Variants in KCNQ1 observed in about 807,000 individuals in gnomAD.
The protein encoded by KCNQ1 is potassium voltage-gated channel subfamily KQT member 1.
KCNQ1 carries 49 observed loss-of-function variants against 72.4 expected under a neutral mutation model. That is an observed-to-expected ratio of 0.68 (90% CI 0.54 to 0.86). The LOEUF (loss-of-function observed/expected upper bound fraction) is 0.86. Ranked by LOEUF, KCNQ1 falls within the 40% of genes least tolerant of loss-of-function variation. The pLI, the probability that KCNQ1 is intolerant of heterozygous loss-of-function variation, is 0.00. For synonymous variants in KCNQ1, 450 were observed against 412.6 expected, an observed-to-expected ratio of 1.09 and a Z score of -1.10; for missense variants, 790 against 945.1, an observed-to-expected ratio of 0.84 and a Z score of 2.15.
At chr11:2,693,132 C>T in intron 11 of KCNQ1, 2 of 398,658 alleles carry the variant, frequency 5.0e-6, no homozygotes, top group South Asian at 2.5e-4. Flanking sequence ...TTCTGTCAAT[C>T]ACCAGATAGC....
chr11:2,618,571 T>G (rs2133800632), intron 10 of KCNQ1: 1 of 398,620 alleles, frequency 2.5e-6, no homozygotes, highest in East Asian at 3.6e-5. Flanking sequence ...GTTTGTTTTT[T>G]ATGCCAGGAC....
At chr11:2,831,279 T>G (rs927779549) in intron 15 of KCNQ1, among the ~76,000 whole-genome samples, 2 of 152,178 alleles carry the variant, frequency 1.3e-5, no homozygotes, top group South Asian at 4.1e-4. Flanking sequence ...GTGCCCACAG[T>G]TGGGCCATGA....
intron 12 of KCNQ1, among the ~76,000 whole-genome samples, chr11:2,774,520 C>A (rs1846657403): frequency 1.3e-5 from 2 of 152,302 alleles, no homozygotes; most frequent in South Asian, 4.1e-4. Context: ...GGAAGAGGAA[C>A]CCCCTGAACT....
chr11:2,780,702 T>TC (rs1301213916), intron 15 of KCNQ1, among the ~76,000 whole-genome samples: 1 of 152,110 alleles, frequency 6.6e-6, no homozygotes, highest in Non-Finnish European at 1.5e-5. Flanking sequence ...GCCTAGAGTG[T>TC]CCCCCTGCAG....
Position 2,620,216 on chromosome 11 carries a change from T to TTA in KCNQ1, c.1393+31363_1393+31364insAT, listed in dbSNP as rs1849144824. 7.2e-6 allele frequency: 2 copies of TTA among 277,704 alleles called. No homozygotes were observed. The highest frequency in any genetic ancestry group is 4.5e-5 in the African/African-American group (2 of 44,306). 17.2% of individuals were successfully genotyped at this position (277,704 alleles called of 1,614,324 possible). On this transcript the variant is annotated intron_variant, in intron 10 of 15. Coordinates refer to ENST00000155840, the MANE Select transcript of KCNQ1 (RefSeq NM_000218.3). This position sits in a 1 kb window ranked among gnomAD's most constrained non-coding sequence, Gnocchi z 4.5. ...TCATTCATGTATATATATATATTTT[T>TTA]TTTTTTTATTTTTTTTTTAGACGGA...
chr11:2,747,003 G>A (rs1362458128), intron 11 of KCNQ1, among the ~76,000 whole-genome samples: 1 of 152,234 alleles, frequency 6.6e-6, no homozygotes, highest in African/African-American at 2.4e-5. Context: ...ACCGCCCCAG[G>A]CAGGCGTGGG....
At position 2,562,284 on chromosome 11, in the gene KCNQ1, A is replaced by C. The variant is rs368692495; in HGVS notation, c.478-8344A>C. 9.2e-5 allele frequency among the ~76,000 whole-genome samples: 14 copies of C among 152,152 alleles called. No homozygotes were observed. Among genetic ancestry groups the C allele is most frequent in the African/African-American group, 3.4e-4 (14 of 41,434 alleles). ...GCCCAGCACGTCACTGGGGGCCCAC[A>C]AGCTCTCAGCACAGGCTGGCGGCTG... On this transcript the variant is annotated intron_variant, in intron 2 of 15. Transcript: ENST00000155840. The surrounding 1 kb of genome is among the most constrained non-coding windows in gnomAD (Gnocchi z 7.5).
chr11:2,736,237 G>T (rs1017985182), intron 11 of KCNQ1, among the ~76,000 whole-genome samples: 5 of 152,218 alleles, frequency 3.3e-5, no homozygotes, highest in African/African-American at 4.8e-5. Flanking sequence ...GGGGATTAGA[G>T]GACTGGGACC....
At chr11:2,552,124 T>C (rs1054822163) in intron 2 of KCNQ1, among the ~76,000 whole-genome samples, 5 of 152,216 alleles carry the variant, frequency 3.3e-5, no homozygotes, top group Non-Finnish European at 7.3e-5. Flanking sequence ...TCTTCTTTTT[T>C]TTTTTCTTTA....
rs952558657 is a variant in KCNQ1, at chr11:2,516,883, C to T, written c.387-11045C>T. On this transcript the variant is annotated intron_variant, in intron 1 of 15. Coordinates refer to ENST00000155840, the MANE Select transcript of KCNQ1 (RefSeq NM_000218.3). This position sits in a 1 kb window ranked among gnomAD's most constrained non-coding sequence, Gnocchi z 7.0. ...TCCTGATCTCTCCCCCACCTTGCCA[C>T]GACCCCCCAGAGTTTGCCTGGTGTC... Among the ~76,000 whole-genome samples, 7 of 152,104 alleles carry T rather than the reference C, an allele frequency of 4.6e-5. No individual in the cohort carries two copies. Among genetic ancestry groups the T allele is most frequent in the Admixed American group, 6.5e-5 (1 of 15,268 alleles).
intron 2 of KCNQ1, among the ~76,000 whole-genome samples, chr11:2,532,266 C>A (rs185288932): frequency 6.6e-6 from 1 of 152,200 alleles, no homozygotes; most frequent in Admixed American, 6.5e-5. Flanking sequence ...CTCTGCATGG[C>A]GCTTCCTGGC....
rs1420846402 is a variant in KCNQ1, at chr11:2,458,499, G to A, written c.386+13015G>A. On this transcript the variant is annotated intron_variant, in intron 1 of 15. Coordinates refer to ENST00000155840, the MANE Select transcript of KCNQ1 (RefSeq NM_000218.3). This position sits in a 1 kb window ranked among gnomAD's most constrained non-coding sequence, Gnocchi z 4.6. ...AGATGCCTGAGGCGGCAGTGCTGCT[G>A]AAGTCCTGCCAGGCTCCAGCTCCTG... is the stretch of plus-strand genomic sequence containing the variant. Among the ~76,000 whole-genome samples the A allele has an allele frequency of 6.6e-6, 1 of 152,236 alleles. No individual in the cohort carries two copies. Among genetic ancestry groups the A allele is most frequent in the African/African-American group, 2.4e-5 (1 of 41,462 alleles).
chr11:2,625,988 G>C (rs1180425400), intron 10 of KCNQ1: 1 of 398,404 alleles, frequency 2.5e-6, no homozygotes, highest in Non-Finnish European at 4.4e-6. Context: ...CCATTCTGTA[G>C]GTTGTCTTAT....
intron 1 of KCNQ1, among the ~76,000 whole-genome samples, chr11:2,472,069 TGTG>T (rs1393508566): frequency 6.6e-6 from 1 of 151,122 alleles, no homozygotes; most frequent in East Asian, 1.9e-4. Context: ...TGTGTGTAGG[TGTG>T]TGTGTTCATG....
chr11:2,445,816 G>T (rs1846029038), intron 1 of KCNQ1, among the ~76,000 whole-genome samples: 1 of 152,122 alleles, frequency 6.6e-6, no homozygotes, highest in African/African-American at 2.4e-5. Context: ...GCTGGGGAGC[G>T]CACCCTTGGG....
chr11:2,718,794 A>G (rs1055206140), intron 11 of KCNQ1, among the ~76,000 whole-genome samples: 4 of 152,214 alleles, frequency 2.6e-5, no homozygotes, highest in African/African-American at 7.2e-5. Flanking sequence ...CACTCCCATC[A>G]GCATCCAGGT....
intron 1 of KCNQ1, among the ~76,000 whole-genome samples, chr11:2,524,257 G>C (rs1195248493): frequency 6.6e-6 from 1 of 152,164 alleles, no homozygotes; most frequent in African/African-American, 2.4e-5. Flanking sequence ...ACCAAGACCA[G>C]AGCCTGGCAA....
chr11:2,589,123 T>C (rs1231317871), intron 10 of KCNQ1, among the ~76,000 whole-genome samples: 1 of 152,148 alleles, frequency 6.6e-6, no homozygotes, highest in African/African-American at 2.4e-5. Context: ...CCGGCTGTAC[T>C]GAGGGAAGGG....
intron 1 of KCNQ1, among the ~76,000 whole-genome samples, chr11:2,465,988 G>T (rs151169966): frequency 0.015 from 2,357 of 152,322 alleles, 34 homozygotes; most frequent in South Asian, 0.054. Context: ...GACGGCTCAG[G>T]TCGACTCCCA....
Sources: gnomAD v4.1 joint callset for allele counts (sites outside exome capture counted in the v4.1 genomes callset) on GRCh38, gnomAD v4.1.1 for gene constraint, Gnocchi (gnomAD v3.1) non-coding constraint, MANE v1.5 for transcripts, NCBI Gene and HGNC (gene_info 2026-07-23, HGNC 2026-07-21) for gene names.